The following ZNF81 variants were observed in gnomAD, a reference collection of about 807,000 sequenced individuals.
ZNF81 encodes the protein zinc finger protein 81 (HFZ20).
ZNF81 carries 5 observed loss-of-function variants against 32.3 expected under a neutral mutation model. The ratio of observed to expected loss-of-function variants is 0.15; its 90% CI spans 0.08 to 0.33. ZNF81 has a LOEUF of 0.33. ZNF81 is among the 10% of genes least tolerant of loss of function. ZNF81 has a pLI of 1.00. For missense variants in ZNF81, 379 were observed against 479.8 expected, an observed-to-expected ratio of 0.79 and a Z score of 1.96; for synonymous variants, 163 against 166.8, an observed-to-expected ratio of 0.98 and a Z score of 0.17.
chrX:47,895,113 G>A (rs149527962), intron 3 of ZNF81, among the ~76,000 whole-genome samples: 4,658 of 110,748 alleles, frequency 0.042, 101 homozygotes, highest in Middle Eastern at 0.06. Flanking sequence ...GGGACTAGAG[G>A]GCAGACTCTT....
intron 1 of ZNF81, chrX:47,841,266 C>T (rs1380299417): frequency 2.0e-5 from 14 of 685,308 alleles, no homozygotes; most frequent in African/African-American, 1.3e-4. Flanking sequence ...CCCGGACAGA[C>T]TTCAGATTTG....
intron 2 of ZNF81, among the ~76,000 whole-genome samples, chrX:47,872,080 G>T (rs1211380836): frequency 2.7e-5 from 3 of 112,163 alleles, no homozygotes. Flanking sequence ...CCATGCAGTT[G>T]CTCCATCCGA....
chrX:47,904,776 C>A (rs1308052004), intron 4 of ZNF81, among the ~76,000 whole-genome samples: 56 of 111,746 alleles, frequency 5.0e-4, no homozygotes, highest in African/African-American at 1.8e-3. Context: ...ATGTTTATTG[C>A]AGCACTATTC....
chrX:47,847,346 C>G (rs2058474969), intron 2 of ZNF81, among the ~76,000 whole-genome samples: 1 of 111,629 alleles, frequency 9.0e-6, no homozygotes, highest in Non-Finnish European at 1.9e-5. Flanking sequence ...TCCCAAGTAG[C>G]TGGGACTACA....
chrX:47,887,866 A>ATACACATATG, intron 2 of ZNF81, 133 bp from the exon 3 acceptor site: 2 of 695,940 alleles, frequency 2.9e-6, no homozygotes, highest in Non-Finnish European at 4.4e-6. Flanking sequence ...GTGTATATAT[A>ATACACATATG]TAAACTAAGT....
intron 4 of ZNF81, among the ~76,000 whole-genome samples, chrX:47,902,660 A>T (rs1242329886): frequency 8.9e-6 from 1 of 112,520 alleles, no homozygotes; most frequent in Non-Finnish European, 1.9e-5. Context: ...AAAATATCTA[A>T]ATGTTTGAAA....
At chrX:47,878,077 C>T (rs533415616) in intron 2 of ZNF81, among the ~76,000 whole-genome samples, 7 of 111,723 alleles carry the variant, frequency 6.3e-5, no homozygotes, top group Middle Eastern at 9.3e-3. Flanking sequence ...GGGGCCGAGC[C>T]GTGAACATCC....
In ZNF81 at chrX:47,919,832, A is replaced by G. The variant is rs782300875; in HGVS notation, c.*3200A>G. The G allele has an allele frequency of 3.6e-5, 4 of 111,515 alleles. No homozygotes were observed. The highest frequency in any genetic ancestry group is 5.6e-5 in the Non-Finnish European group (3 of 53,137). 9.2% of individuals were successfully genotyped at this position (111,515 alleles called of 1,213,427 possible). ...ACATATGAATTTTGGGGGGGATGCA[A>G]TCATTCAGCCCATAATACCCTCTAA... On this transcript the variant is annotated 3_prime_UTR_variant, in exon 5 of 5. Transcript: ENST00000338637.
chrX:47,909,058 C>A (rs1282328729), intron 4 of ZNF81, among the ~76,000 whole-genome samples: 1 of 111,560 alleles, frequency 9.0e-6, no homozygotes, highest in African/African-American at 3.3e-5. Context: ...GCTTTGCATA[C>A]ATTCATTGAG....
Position 47,918,699 on chromosome X carries a change from G to A in ZNF81, c.*2067G>A, listed in dbSNP as rs2058765678. 1 of 112,031 alleles carries A rather than the reference G, an allele frequency of 8.9e-6. No homozygotes were observed. Among genetic ancestry groups the A allele is most frequent in the African/African-American group, 3.3e-5 (1 of 30,572 alleles). 9.2% of individuals were successfully genotyped at this position (112,031 alleles called of 1,213,427 possible). A position where few individuals can be genotyped will look rare whatever the true frequency, so the allele number is the denominator to read the frequency against. On this transcript the variant is annotated 3_prime_UTR_variant, in exon 5 of 5. Transcript: ENST00000338637. ...GATGCAAACACGGTCCATTTCTTAT[G>A]GAAAATGAAGGGCATCTCAGAGGGA...
intron 3 of ZNF81, among the ~76,000 whole-genome samples, chrX:47,893,691 A>G (rs2058669970): frequency 9.2e-6 from 1 of 108,664 alleles, no homozygotes; most frequent in South Asian, 4.1e-4. Context: ...ACTTTAACCT[A>G]CCTTCTAGCA....
rs782793937 is a variant in ZNF81, at chrX:47,916,307, A to G, written c.1661A>G (p.Tyr554Cys). The change falls in exon 5 of 5, where the codon TAT becomes TGT. Residue 554 changes from tyrosine (Y) to cysteine (C), a missense_variant. Physicochemically the swap from Tyr to Cys is radical, Grantham distance 194 (BLOSUM62 -2). This residue lies in a region of ZNF81 where 102 missense variants were observed against 173.2 expected (regional missense o/e 0.59). Transcript: ENST00000338637. ...ACCATTCACACTGGAGAGAAACCCT[A>G]TGTTTGTGCTGATTGTGGGAGGGCC... ...HQTIHTGEKP[Y>C]VCADCGRAFI... 1.7e-5 allele frequency: 20 copies of G among 1,211,460 alleles called. No individual in the cohort carries two copies. Among genetic ancestry groups the G allele is most frequent in the Admixed American group, 6.5e-5 (3 of 45,929 alleles).
At chrX:47,864,120 A>G (rs1167826189) in intron 2 of ZNF81, among the ~76,000 whole-genome samples, 2 of 112,001 alleles carry the variant, frequency 1.8e-5, no homozygotes, top group Non-Finnish European at 3.8e-5. Context: ...AGGCATATTC[A>G]TGACCAAACT....
intron 2 of ZNF81, among the ~76,000 whole-genome samples, 166 bp from the exon 3 acceptor site, chrX:47,887,833 A>G (rs1569385857): frequency 8.9e-6 from 1 of 112,182 alleles, no homozygotes. Flanking sequence ...TTAGATTTTT[A>G]TATTCTACAC....
chrX:47,856,231 T>C (rs1297384176), intron 2 of ZNF81, among the ~76,000 whole-genome samples: 2 of 111,094 alleles, frequency 1.8e-5, no homozygotes, highest in African/African-American at 6.6e-5. Flanking sequence ...AAATTGAAAC[T>C]AAAATTACAA....
At chrX:47,888,301 C>A in intron 3 of ZNF81, 176 bp downstream of exon 3, 1 of 643,262 alleles carries the variant, frequency 1.6e-6, no homozygotes, top group Admixed American at 3.4e-5. Context: ...GGGCTTTAAT[C>A]TAATATAATT....
At chrX:47,891,326 C>G (rs968915320) in intron 3 of ZNF81, among the ~76,000 whole-genome samples, 1 of 112,808 alleles carries the variant, frequency 8.9e-6, no homozygotes, top group African/African-American at 3.2e-5. Flanking sequence ...TTACAGTAAT[C>G]TGTCACTCTT....
chrX:47,857,920 C>T (rs1479882594), intron 2 of ZNF81, among the ~76,000 whole-genome samples: 1 of 110,854 alleles, frequency 9.0e-6, no homozygotes, highest in Non-Finnish European at 1.9e-5. Context: ...CTTTGCAGGT[C>T]TTGGGAATCT....
intron 2 of ZNF81, among the ~76,000 whole-genome samples, chrX:47,876,827 C>G (rs1037457408): frequency 8.9e-6 from 1 of 112,232 alleles, no homozygotes; most frequent in East Asian, 2.8e-4. Context: ...GTATTGACAT[C>G]TTACATATCT....
Sources: gnomAD v4.1 joint callset for allele counts (sites outside exome capture counted in the v4.1 genomes callset) on GRCh38, gnomAD v4.1.1 for gene constraint, gnomAD v4.1.1 regional missense constraint, MANE v1.5 for transcripts, NCBI Gene and HGNC (gene_info 2026-07-23, HGNC 2026-07-21) for gene names.